TOPAZ1: variants seen among roughly 807,000 people sequenced by gnomAD.
The protein encoded by TOPAZ1 is protein TOPAZ1.
Under a neutral mutation model 172.2 loss-of-function variants are expected in TOPAZ1, and 66 were observed. The ratio of observed to expected loss-of-function variants is 0.38; its 90% CI spans 0.31 to 0.47. The LOEUF (loss-of-function observed/expected upper bound fraction) is 0.47. TOPAZ1 is among the 20% of genes least tolerant of loss of function. The pLI is 0.99. For synonymous variants in TOPAZ1, 681 were observed against 683.9 expected, an observed-to-expected ratio of 1.00 and a Z score of 0.07; for missense variants, 1,822 against 1,972.4, an observed-to-expected ratio of 0.92 and a Z score of 1.44.
intron 19 of TOPAZ1, among the ~76,000 whole-genome samples, chr3:44,330,245 C>T (rs1274672770): frequency 6.6e-6 from 1 of 152,152 alleles, no homozygotes; most frequent in East Asian, 1.9e-4. Flanking sequence ...GGCATCTAGG[C>T]TCCCCATCAT....
chr3:44,314,049 AT>A (rs1384096223), intron 16 of TOPAZ1, among the ~76,000 whole-genome samples: 1 of 151,716 alleles, frequency 6.6e-6, no homozygotes, highest in African/African-American at 2.4e-5. Context: ...TATATTATTT[AT>A]TTTTTTTGAG....
intron 14 of TOPAZ1, 38 bp downstream of exon 14, chr3:44,305,359 G>A (rs1274835465): frequency 6.8e-7 from 1 of 1,465,982 alleles, no homozygotes; most frequent in Non-Finnish European, 9.0e-7. Context: ...TGTGTATGAG[G>A]ATGGTGCAGT....
chr3:44,256,082 G>A, intron 3 of TOPAZ1, 69 bp from the exon 4 acceptor site: 2 of 1,230,598 alleles, frequency 1.6e-6, no homozygotes, highest in Non-Finnish European at 2.2e-6. Context: ...TCATTTTTTA[G>A]AACAGCCTTT....
In TOPAZ1 at chr3:44,323,375, G is replaced by A. The variant is rs570679616; in HGVS notation, c.4675+80G>A. On this transcript the variant is annotated intron_variant, in intron 18 of 19. Transcript: ENST00000309765. Reference sequence around the variant, plus strand: ...CCAGAATTTATAATATATAAGATTAGATATTTATATGTATTAAAAGAGCAG... The same window carrying A: ...CCAGAATTTATAATATATAAGATTAAATATTTATATGTATTAAAAGAGCAG... 4.7e-6 allele frequency: 4 copies of A among 850,222 alleles called. No homozygotes were observed. In the African/African-American group the frequency reaches 5.2e-5, roughly 11 times the overall value. The allele number at this position is 850,222 out of a possible 1,614,324, so 52.7% of individuals were successfully genotyped here.
intron 16 of TOPAZ1, among the ~76,000 whole-genome samples, chr3:44,319,884 G>T (rs893543579): frequency 1.3e-5 from 2 of 152,064 alleles, no homozygotes; most frequent in African/African-American, 4.8e-5. Flanking sequence ...ACTGTGCTAG[G>T]AAGGCCACAA....
At position 44,244,468 on chromosome 3, in the gene TOPAZ1, T is replaced by C. The variant is rs1699534906; in HGVS notation, c.1962T>C (p.Ser654=). Residue 654 remains serine (S), a synonymous_variant, in exon 2 of 20, where the codon TCT becomes TCC. Transcript: ENST00000309765. The part of the protein sequence containing the change: ...TSKDGQEANN[S]AGKTIHRKAC... The stretch of plus-strand genomic sequence containing the variant: ...AAGATGGTCAGGAAGCAAATAACTC[T>C]GCAGGCAAAACTATTCATCGAAAAG... 6.4e-7 allele frequency: 1 copy of C among 1,551,714 alleles called. No individual in the cohort carries two copies. Among genetic ancestry groups the C allele is most frequent in the South Asian group, 1.2e-5 (1 of 84,050 alleles).
chr3:44,287,485 G>A lies in TOPAZ1; in HGVS notation c.3533G>A (p.Cys1178Tyr), dbSNP rs1172966678. Residue 1178 changes from cysteine to tyrosine, a missense_variant, in exon 10 of 20, where the codon TGT becomes TAT. Transcript: ENST00000309765. ...NDLLNSLLKH[C>Y]LLKEVFQIVN... ...CTTCTAAATTCTTTACTCAAACATT[G>A]TTTGTTGAAAGAAGTATTTCAGATA... 6.5e-7 allele frequency: 1 copy of A among 1,529,836 alleles called. No individual in the cohort carries two copies. The allele number at this position is 1,529,836 out of a possible 1,614,324, so 94.8% of individuals were successfully genotyped here.
In TOPAZ1 at chr3:44,285,424, A is replaced by G. The variant is rs565025230; in HGVS notation, c.3437-1965A>G. Among the ~76,000 whole-genome samples, 62 of 152,194 alleles carry G rather than the reference A, an allele frequency of 4.1e-4. 1 individual carries two copies. The highest frequency in any genetic ancestry group is 3.9e-3 in the South Asian group (19 of 4,822). On this transcript the variant is annotated intron_variant, in intron 9 of 19. Transcript: ENST00000309765. The stretch of plus-strand genomic sequence containing the variant: ...GAGGTTGCAGTGAGCCGAGATCACA[A>G]CACTGCACTCCAGCACTGGGTGACA...
chr3:44,266,142 T>G (rs1008314064), intron 5 of TOPAZ1, among the ~76,000 whole-genome samples: 2 of 152,216 alleles, frequency 1.3e-5, no homozygotes, highest in Admixed American at 1.3e-4. Flanking sequence ...AGCTTCATAC[T>G]TCTGTAGCTT....
chr3:44,306,330 C>G lies in TOPAZ1; in HGVS notation c.4044C>G (p.Ser1348Arg). The G allele has an allele frequency of 6.5e-7, 1 of 1,541,196 alleles. No individual in the cohort carries two copies. Among genetic ancestry groups the G allele is most frequent in the Non-Finnish European group, 8.8e-7 (1 of 1,138,926 alleles). Residue 1348 changes from serine to arginine, a missense_variant, in exon 15 of 20, where the codon AGC (serine) becomes AGG (arginine). Physicochemically the swap from Ser to Arg is moderately radical, Grantham distance 110. Around this residue, in one of 2 missense-constraint regions of TOPAZ1, gnomAD observed 333 missense variants for 481.7 expected, o/e 0.69. Transcript: ENST00000309765. ...GTATGCCTATTTGTGTTTCAGTTAGCAAAGATCCACAAAACAGTAAAGTAG... is the reference window on the plus strand; with the variant it reads ...GTATGCCTATTTGTGTTTCAGTTAGGAAAGATCCACAAAACAGTAAAGTAG... ...IPFCEFAETV[S>R]KDPQNSKVDK...
intron 19 of TOPAZ1, among the ~76,000 whole-genome samples, chr3:44,330,315 G>A (rs4234446): frequency 0.83 from 125,908 of 152,094 alleles, 52,167 homozygotes; most frequent in Middle Eastern, 0.9. Context: ...CAACTTCTTT[G>A]TTTACTTATT....
chr3:44,295,323 A>G (rs1402510307), intron 12 of TOPAZ1, among the ~76,000 whole-genome samples: 7 of 152,196 alleles, frequency 4.6e-5, no homozygotes, highest in Admixed American at 4.6e-4. Context: ...AATACAGTAG[A>G]TGAATAATAT....
At chr3:44,262,983 G>C (rs987679839) in intron 5 of TOPAZ1, among the ~76,000 whole-genome samples, 1 of 152,174 alleles carries the variant, frequency 6.6e-6, no homozygotes, top group South Asian at 2.1e-4. Context: ...TGCATTTGAG[G>C]CTTTTAATGT....
Position 44,243,464 on chromosome 3 carries a change from T to G in TOPAZ1, c.958T>G (p.Ser320Ala). The change falls in exon 2 of 20, where the codon TCA (serine) becomes GCA (alanine). Residue 320 changes from serine (S) to alanine (A), a missense_variant. By Grantham distance (99) the Ser-to-Ala change is moderately conservative. Transcript: ENST00000309765. ...CCTTCAACATGAAAAAAATAAATAT[T>G]CAATAGAGGAGAGCAGTGTTGGGCG... ...SCLQHEKNKY[S>A]IEESSVGRKP... 5.8e-6 allele frequency: 9 copies of G among 1,551,524 alleles called. No individual in the cohort carries two copies. Among genetic ancestry groups the G allele is most frequent in the Non-Finnish European group, 7.8e-6 (9 of 1,146,936 alleles).
At chr3:44,286,875 G>A (rs1036891004) in intron 9 of TOPAZ1, among the ~76,000 whole-genome samples, 2 of 152,208 alleles carry the variant, frequency 1.3e-5, no homozygotes, top group African/African-American at 4.8e-5. Context: ...AATCAGCATT[G>A]TTGTAATTTT....
intron 8 of TOPAZ1, among the ~76,000 whole-genome samples, chr3:44,276,270 A>G (rs955405946): frequency 6.6e-6 from 1 of 152,132 alleles, no homozygotes; most frequent in East Asian, 1.9e-4. Flanking sequence ...TGCCTAGACC[A>G]ATGTCCTATA....
At chr3:44,245,381 C>A in intron 2 of TOPAZ1, 110 bp downstream of exon 2, 2 of 1,158,192 alleles carry the variant, frequency 1.7e-6, no homozygotes, top group South Asian at 2.1e-5. Context: ...TATTTTTTAA[C>A]CCAATTATTT....
chr3:44,319,741 G>A (rs1215218610), intron 16 of TOPAZ1, among the ~76,000 whole-genome samples: 1 of 152,136 alleles, frequency 6.6e-6, no homozygotes, highest in African/African-American at 2.4e-5. Flanking sequence ...AACTCTGTTA[G>A]GTCAATCAGT....
Position 44,287,800 on chromosome 3 carries a change from A to T in TOPAZ1, c.3642A>T (p.Leu1214Phe). Residue 1214 changes from leucine (L) to phenylalanine (F), a missense_variant, in exon 11 of 20, where the codon TTA (leucine) becomes TTT (phenylalanine). Physicochemically the swap from Leu to Phe is conservative, Grantham distance 22 (BLOSUM62 0). Coordinates refer to ENST00000309765, the MANE Select transcript of TOPAZ1 (RefSeq NM_001145030.2). ...TTGAGTATGTGGCAACTATGAAATT[A>T]AGGAATGCTGTACCTGCTTTAATTG... ...NIFEYVATMK[L>F]RNAVPALIDI... 6.6e-7 allele frequency: 1 copy of T among 1,515,678 alleles called. No individual in the cohort carries two copies. Among genetic ancestry groups the T allele is most frequent in the Non-Finnish European group, 8.9e-7 (1 of 1,124,808 alleles). 93.9% of individuals were successfully genotyped at this position (1,515,678 alleles called of 1,614,324 possible).
Sources: gnomAD v4.1 joint callset for allele counts (sites outside exome capture counted in the v4.1 genomes callset) on GRCh38, gnomAD v4.1.1 for gene constraint, gnomAD v4.1.1 regional missense constraint, MANE v1.5 for transcripts, NCBI Gene and HGNC (gene_info 2026-07-23, HGNC 2026-07-21) for gene names.